Variants in FAM136A observed in about 807,000 individuals in gnomAD.
The protein encoded by FAM136A is TIM double twin CX3C motif protein.
Under a neutral mutation model 21.6 loss-of-function variants are expected in FAM136A, and 25 were observed. The observed-to-expected ratio is 1.16, with a 90% confidence interval of 0.84 to 1.62. The LOEUF (loss-of-function observed/expected upper bound fraction) is 1.62. Ranked by LOEUF, FAM136A falls within the 40% of genes most tolerant of loss-of-function variation. The pLI, the probability that FAM136A is intolerant of heterozygous loss-of-function variation, is 0.00. For synonymous variants in FAM136A, 119 were observed against 129.4 expected (o/e 0.92, Z 0.55); for missense variants, 338 against 332.0 (o/e 1.02, Z -0.14).
At chr2:70,301,420 G>C (rs771631945) in intron 1 of FAM136A, 184 bp downstream of exon 1, 2 of 1,533,858 alleles carry the variant, frequency 1.3e-6, no homozygotes, top group African/African-American at 2.7e-5. Flanking sequence ...CGTGAGAGAA[G>C]CAGGACCGAA....
Position 70,297,291 on chromosome 2 carries a change from AT to A in FAM136A, c.735del (p.Lys245AsnfsTer19). ...CTGATGGCCACTGGCAAATACTTTTATTTTCCAATTGATAAGAGAGCCTCCT... is the reference window on the plus strand; with the variant it reads ...CTGATGGCCACTGGCAAATACTTTTATTTCCAATTGATAAGAGAGCCTCCT... ...KMKEALLSIG[K>X] On this transcript the variant is annotated frameshift_variant, in exon 3 of 3. Transcript: ENST00000430566. LOFTEE classifies it high-confidence loss of function. 1 of 1,612,582 alleles carries A rather than the reference AT, an allele frequency of 6.2e-7. No homozygotes were observed. Among genetic ancestry groups the A allele is most frequent in the Non-Finnish European group, 8.5e-7 (1 of 1,178,744 alleles).
rs1185646649 is a variant in FAM136A at position 70,301,002 on chromosome 2, G to A, written c.409-22C>T. 3.1e-6 allele frequency: 5 copies of A among 1,599,188 alleles called. No individual in the cohort carries two copies. In the Middle Eastern group the frequency reaches 5.0e-4, roughly 159 times the overall value. Reference sequence around the variant, plus strand: ...GACCCTGGGGAGAAAGGGCAGAGAGGTTAGGTAGGAAAGTCTCTGGGGACA... The same window carrying A: ...GACCCTGGGGAGAAAGGGCAGAGAGATTAGGTAGGAAAGTCTCTGGGGACA... On this transcript the variant is annotated intron_variant, in intron 1 of 2. Transcript: ENST00000430566.
intron 1 of FAM136A, chr2:70,301,226 T>C (rs1697388768): frequency 1.2e-6 from 1 of 836,810 alleles, no homozygotes; most frequent in East Asian, 2.7e-5. Flanking sequence ...GCACCGATGG[T>C]TGGGTGAACA....
At chr2:70,299,907 A>AT (rs113135355) in intron 2 of FAM136A, among the ~76,000 whole-genome samples, 64 of 136,060 alleles carry the variant, frequency 4.7e-4, no homozygotes, top group African/African-American at 1.5e-3. Context: ...AACATTATTT[A>AT]TTTTTTTTTG....
chr2:70,297,923 G>T (rs1162898227), intron 2 of FAM136A, among the ~76,000 whole-genome samples: 1 of 151,794 alleles, frequency 6.6e-6, no homozygotes, highest in Non-Finnish European at 1.5e-5. Flanking sequence ...TTAGAGGTGT[G>T]AGCCACTGTG....
At chr2:70,301,402 G>A (rs2104942162) in intron 1 of FAM136A, 5 of 1,530,046 alleles carry the variant, frequency 3.3e-6, no homozygotes, top group Non-Finnish European at 4.4e-6. Flanking sequence ...TCTGGGAAAC[G>A]CATACTCCGT....
Position 70,300,961 on chromosome 2 carries a change from C to A in FAM136A, c.428G>T (p.Ser143Ile). 6.2e-7 allele frequency: 1 copy of A among 1,612,444 alleles called. No individual in the cohort carries two copies. The highest frequency in any genetic ancestry group is 8.5e-7 in the Non-Finnish European group (1 of 1,178,598). ...PLPQGLMFRC[S>I]ASCCEDSQAS... ...CTGGCTGTCCTCACAACAGCTGGCG[C>A]TGCACCGGAACATGAGACCCTGGGG... The change falls in exon 2 of 3, where the codon AGC (serine) becomes ATC (isoleucine). Residue 143 changes from serine to isoleucine, a missense_variant. Transcript: ENST00000430566.
At chr2:70,298,915 G>C (rs1028750081) in intron 2 of FAM136A, among the ~76,000 whole-genome samples, 1 of 152,230 alleles carries the variant, frequency 6.6e-6, no homozygotes, top group African/African-American at 2.4e-5. Flanking sequence ...AATGACCCCC[G>C]GATTCGGCCC....
rs1274106735 is a variant in FAM136A, at chr2:70,297,494, G to T, written c.550-17C>A. ...CAGGCGGTCCTGTGGCAAGAAGGAA[G>T]AACGTAGAAAAAGCTGAGAGTAAGG... On this transcript the variant is annotated splice_polypyrimidine_tract_variant and intron_variant, in intron 2 of 2. Coordinates refer to ENST00000430566, the MANE Select transcript of FAM136A (RefSeq NM_001329752.2). The T allele has an allele frequency of 8.2e-7, 1 of 1,222,732 alleles. No homozygotes were observed. The highest frequency in any genetic ancestry group is 1.9e-4 in the Middle Eastern group (1 of 5,172). 75.7% of individuals were successfully genotyped at this position (1,222,732 alleles called of 1,614,324 possible).
Position 70,301,995 on chromosome 2 carries a change from T to G in FAM136A, c.17A>C (p.Gln6Pro). The change falls in exon 1 of 3, where the codon CAG (glutamine) becomes CCG (proline). Residue 6 changes from glutamine to proline, a missense_variant. Gln to Pro is a moderately conservative substitution (Grantham distance 76). Transcript: ENST00000430566. ...CTCCACCGCCTCCTGCACCCGGAGCTGCTGCAGCTCAGCCATGGCGACCCC... is the reference window on the plus strand; with the variant it reads ...CTCCACCGCCTCCTGCACCCGGAGCGGCTGCAGCTCAGCCATGGCGACCCC... MAELQ[Q>P]LRVQEAVESM... 2 of 1,603,340 alleles carry G rather than the reference T, an allele frequency of 1.2e-6. No homozygotes were observed. The highest frequency in any genetic ancestry group is 1.7e-6 in the Non-Finnish European group (2 of 1,176,390).
intron 1 of FAM136A, 172 bp downstream of exon 1, chr2:70,301,432 C>A (rs1456073959): frequency 6.5e-7 from 1 of 1,534,972 alleles, no homozygotes; most frequent in Non-Finnish European, 8.7e-7. Flanking sequence ...AGGACCGAAA[C>A]ACACAGAGGC....
At chr2:70,297,621 G>GTTTTTTTTTTTT (rs55803921) in intron 2 of FAM136A, 144 bp from the exon 3 acceptor site, 1 of 234,596 alleles carries the variant, frequency 4.3e-6, no homozygotes, top group Non-Finnish European at 7.4e-6. Context: ...GATTGGCCAA[G>GTTTTTTTTTTTT]TTTTTTTTTT....
chr2:70,301,425 A>G, intron 1 of FAM136A, 179 bp downstream of exon 1: 2 of 1,534,852 alleles, frequency 1.3e-6, no homozygotes, highest in Non-Finnish European at 1.7e-6. Flanking sequence ...GAGAAGCAGG[A>G]CCGAAACACA....
chr2:70,301,778 T>A lies in FAM136A; in HGVS notation c.234A>T (p.Gly78=). Residue 78 remains glycine (G), a synonymous_variant, in exon 1 of 3, where the codon GGA becomes GGT. Coordinates refer to ENST00000430566, the MANE Select transcript of FAM136A (RefSeq NM_001329752.2). Reference sequence around the variant, plus strand: ...ATCCGCCAAAGCTTCCGAAGTCCTGTCCGAGGCCGCCCCGGCGACCCCAGG... The same window carrying A: ...ATCCGCCAAAGCTTCCGAAGTCCTGACCGAGGCCGCCCCGGCGACCCCAGG... ...GRPWGRRGGL[G]QDFGSFGGSD... is the part of the protein sequence containing the mutation. The A allele has an allele frequency of 6.5e-7, 1 of 1,546,090 alleles. No individual in the cohort carries two copies. The highest frequency in any genetic ancestry group is 1.4e-5 in the African/African-American group (1 of 73,122).
intron 2 of FAM136A, among the ~76,000 whole-genome samples, chr2:70,300,337 C>CT (rs985732131): frequency 4.0e-5 from 6 of 150,994 alleles, no homozygotes; most frequent in Admixed American, 2.6e-4. Context: ...TACATCATTT[C>CT]TTTTTTTTTG....
In FAM136A at chr2:70,301,372, C is replaced by T. The variant is rs987532919; in HGVS notation, c.408+232G>A. ...ACCAGAGGGCAGCCGACCCACTAAT[C>T]AATGACTCAAGGGGCACTATCTGGG... On this transcript the variant is annotated intron_variant, in intron 1 of 2. Transcript: ENST00000430566. The T allele has an allele frequency of 1.2e-5, 18 of 1,502,000 alleles. No individual in the cohort carries two copies. The East Asian group carries it at 4.2e-4, about 35-fold the overall frequency. The allele number at this position is 1,502,000 out of a possible 1,614,324, so 93.0% of individuals were successfully genotyped here.
chr2:70,298,197 A>G (rs1344605121), intron 2 of FAM136A, among the ~76,000 whole-genome samples: 1 of 151,864 alleles, frequency 6.6e-6, no homozygotes, highest in East Asian at 1.9e-4. Flanking sequence ...GGTTCAAGTG[A>G]TTCTCCTGCC....
intron 2 of FAM136A, among the ~76,000 whole-genome samples, chr2:70,299,903 ATTT>A (rs1697347087): frequency 7.1e-6 from 1 of 141,394 alleles, no homozygotes; most frequent in Non-Finnish European, 1.5e-5. Flanking sequence ...CCTGAACATT[ATTT>A]ATTTTTTTTT....
At chr2:70,298,423 C>A (rs1242823293) in intron 2 of FAM136A, among the ~76,000 whole-genome samples, 1 of 152,200 alleles carries the variant, frequency 6.6e-6, no homozygotes, top group African/African-American at 2.4e-5. Context: ...GGAAAACATT[C>A]AATTCAACAA....
Sources: allele counts gnomAD v4.1 joint callset (sites outside exome capture counted in the v4.1 genomes callset), GRCh38; gene constraint gnomAD v4.1.1; transcripts MANE v1.5; gene names NCBI Gene and HGNC (gene_info 2026-07-23, HGNC 2026-07-21).